SYT12: variants seen among roughly 807,000 people sequenced by gnomAD.
SYT12 encodes the protein synaptotagmin 12.
Under a neutral mutation model 39.5 loss-of-function variants are expected in SYT12, and 27 were observed. The observed-to-expected ratio is 0.68, with a 90% CI of 0.50 to 0.94. The LOEUF is 0.94. SYT12 is among the 40% of genes least tolerant of loss of function. SYT12 has a pLI of 0.00. For synonymous variants in SYT12, 233 were observed against 239.7 expected (o/e 0.97, Z 0.26); for missense variants, 536 against 572.6 (o/e 0.94, Z 0.65).
chr11:67,020,196 A>C (rs1950095133), upstream of SYT12, among the ~76,000 whole-genome samples: 1 of 152,128 alleles, frequency 6.6e-6, no homozygotes, highest in Non-Finnish European at 1.5e-5. Flanking sequence ...CAGAAGACGG[A>C]GGAAGCTGTT....
At chr11:67,044,800 C>T (rs1367566822) in intron 6 of SYT12, 87 bp downstream of exon 6, 13 of 1,571,122 alleles carry the variant, frequency 8.3e-6, no homozygotes, top group African/African-American at 5.4e-5. Context: ...CCGGAGGCAT[C>T]GGCAGGTGTG....
chr11:67,045,947 C>T (rs1590656923), intron 7 of SYT12, 70 bp downstream of exon 7: 3 of 1,591,640 alleles, frequency 1.9e-6, no homozygotes, highest in East Asian at 2.2e-5. Flanking sequence ...ATCTCTCCAC[C>T]TTCTCTTCTC....
chr11:67,039,800 C>A lies in SYT12; in HGVS notation c.229-11C>A. 6.3e-7 allele frequency: 1 copy of A among 1,594,174 alleles called. No individual in the cohort carries two copies. ...CCATGATGCTCCCACGTCCCTCTTTCTCACCCCTAGAGAGTGCCTGCCTGG... is the reference window on the plus strand; with the variant it reads ...CCATGATGCTCCCACGTCCCTCTTTATCACCCCTAGAGAGTGCCTGCCTGG... On this transcript the variant is annotated splice_polypyrimidine_tract_variant and intron_variant, in intron 3 of 7. Coordinates refer to ENST00000527043, the MANE Select transcript of SYT12 (RefSeq NM_177963.4).
chr11:67,040,730 C>T (rs1950497533), intron 4 of SYT12, among the ~76,000 whole-genome samples: 2 of 151,842 alleles, frequency 1.3e-5, no homozygotes, highest in African/African-American at 4.8e-5. Context: ...CCCAGCTACT[C>T]GGGAGGCTGA....
chr11:67,011,150 G>A (rs1219582322), intron 3 of SYT12, among the ~76,000 whole-genome samples: 1 of 152,162 alleles, frequency 6.6e-6, no homozygotes, highest in Non-Finnish European at 1.5e-5. Context: ...CTGAGCTCAA[G>A]AGTTTGAATC....
chr11:67,017,570 C>T (rs1383771774), intron 3 of SYT12, among the ~76,000 whole-genome samples: 1 of 150,408 alleles, frequency 6.6e-6, no homozygotes, highest in Admixed American at 6.6e-5. Context: ...CATTGTTGGC[C>T]AGGCTGGTCT....
At chr11:67,047,993 A>G (rs1854618073) in intron 7 of SYT12, among the ~76,000 whole-genome samples, 1 of 145,162 alleles carries the variant, frequency 6.9e-6, no homozygotes, top group Non-Finnish European at 1.5e-5. Context: ...GGGTTTCACC[A>G]TGTTAGCCAG....
At chr11:67,036,331 A>G (rs1950380324) in intron 3 of SYT12, among the ~76,000 whole-genome samples, 1 of 152,226 alleles carries the variant, frequency 6.6e-6, no homozygotes, top group African/African-American at 2.4e-5. Context: ...GCCATGATTG[A>G]CTAAATGTCA....
chr11:67,035,837 C>CCTTTCTTTCTTT (rs1157424282), intron 3 of SYT12, among the ~76,000 whole-genome samples: 49 of 111,140 alleles, frequency 4.4e-4, no homozygotes, highest in East Asian at 1.1e-3. Flanking sequence ...TTCCTTCCTT[C>CCTTTCTTTCTTT]CTTTCTTTCT....
In SYT12 at chr11:67,049,393, GCCGGAGAAGAGA is replaced by G. The variant is rs1854681477; in HGVS notation, c.*639_*650del. The G allele has an allele frequency of 6.6e-6, 1 of 152,284 alleles. No homozygotes were observed. Among genetic ancestry groups the G allele is most frequent in the South Asian group, 2.1e-4 (1 of 4,838 alleles). 9.4% of individuals were successfully genotyped at this position (152,284 alleles called of 1,614,324 possible). On this transcript the variant is annotated 3_prime_UTR_variant, in exon 8 of 8. Coordinates refer to ENST00000527043, the MANE Select transcript of SYT12 (RefSeq NM_177963.4). ...GATACAAGGAAGGGCCTTTCTCGGGGCCGGAGAAGAGACCAAGAGACCAGGCCCGGGCAGCAG... is the reference window on the plus strand; with the variant it reads ...GATACAAGGAAGGGCCTTTCTCGGGGCCAAGAGACCAGGCCCGGGCAGCAG...
chr11:67,038,884 G>A (rs1950439558), intron 3 of SYT12, among the ~76,000 whole-genome samples: 1 of 152,048 alleles, frequency 6.6e-6, no homozygotes, highest in Non-Finnish European at 1.5e-5. Flanking sequence ...CTACTTGGGA[G>A]GCTGAGGCAG....
chr11:67,039,785 C>T (rs1379616858), intron 3 of SYT12, 26 bp from the exon 4 acceptor site: 5 of 1,583,674 alleles, frequency 3.2e-6, no homozygotes, highest in Admixed American at 1.7e-5. Flanking sequence ...CCATGATGCT[C>T]CCACGTCCCT....
chr11:67,042,688 G>T (rs1348069288), intron 4 of SYT12, among the ~76,000 whole-genome samples: 1 of 152,202 alleles, frequency 6.6e-6, no homozygotes, highest in African/African-American at 2.4e-5. Flanking sequence ...GCCGAAGGAG[G>T]GAGAGGCAGA....
rs1347639717 is a variant in SYT12, at chr11:67,048,709, C to T, written c.1218C>T (p.Ala406=). The change falls in exon 8 of 8, where the codon GCC becomes GCT. Residue 406 remains alanine (A), a synonymous_variant. Transcript: ENST00000527043. The part of the protein sequence containing the change: ...MGTTHWNQML[A]TLRRPVSMWH... ...CCACACATTGGAACCAGATGTTGGC[C>T]ACGCTGCGCAGGCCCGTGTCCATGT... 5 of 1,611,198 alleles carry T rather than the reference C, an allele frequency of 3.1e-6. No individual in the cohort carries two copies. The highest frequency in any genetic ancestry group is 1.7e-6 in the Non-Finnish European group (2 of 1,177,820).
At chr11:67,013,613 G>T (rs1339473425) in intron 3 of SYT12, among the ~76,000 whole-genome samples, 1 of 152,162 alleles carries the variant, frequency 6.6e-6, no homozygotes, top group Non-Finnish European at 1.5e-5. Context: ...CCACCAGCCA[G>T]TTACCTTGTT....
Position 67,040,085 on chromosome 11 carries a change from C to A in SYT12, c.503C>A (p.Thr168Lys). 6.2e-7 allele frequency: 1 copy of A among 1,613,898 alleles called. No individual in the cohort carries two copies. The highest frequency in any genetic ancestry group is 1.1e-5 in the South Asian group (1 of 91,078). ...VSMEYDTASH[T>K]LNVAVMQGKD... ...ATGGAGTACGACACTGCCTCCCACA[C>A]GCTGAACGTGGCGGTGATGCAGGGC... The change falls in exon 4 of 8, where the codon ACG becomes AAG. Residue 168 changes from threonine (T) to lysine (K), a missense_variant. Coordinates refer to ENST00000527043, the MANE Select transcript of SYT12 (RefSeq NM_177963.4).
At chr11:67,033,271 A>C (rs1195510995) in intron 2 of SYT12, among the ~76,000 whole-genome samples, 1 of 151,742 alleles carries the variant, frequency 6.6e-6, no homozygotes, top group African/African-American at 2.4e-5. Context: ...ATCTCAGCTT[A>C]CATGTCCCTC....
chr11:67,026,478 G>C (rs1421253127), intron 1 of SYT12: 1 of 151,904 alleles, frequency 6.6e-6, no homozygotes, highest in Non-Finnish European at 1.5e-5. Context: ...TCTCCGTGTG[G>C]GTCAGGCTGG....
chr11:67,023,957 C>T (rs937765395), intron 1 of SYT12, among the ~76,000 whole-genome samples: 10 of 152,216 alleles, frequency 6.6e-5, no homozygotes, highest in African/African-American at 2.4e-4. Context: ...CCAGATATGA[C>T]CCTCAGCCGC....
Sources: gnomAD v4.1 joint callset for allele counts (sites outside exome capture counted in the v4.1 genomes callset) on GRCh38, gnomAD v4.1.1 for gene constraint, MANE v1.5 for transcripts, NCBI Gene and HGNC (gene_info 2026-07-23, HGNC 2026-07-21) for gene names.